The following MEGF10 variants were observed in gnomAD, a reference collection of about 807,000 sequenced individuals.
The protein encoded by MEGF10 is multiple epidermal growth factor-like domains protein 10.
A neutral mutation model predicts 147.5 loss-of-function variants in MEGF10; 86 were observed. The ratio of observed to expected loss-of-function variants is 0.58; its 90% CI spans 0.49 to 0.70. The LOEUF (loss-of-function observed/expected upper bound fraction) is 0.70. MEGF10 is among the 30% of genes least tolerant of loss of function. The probability of loss-of-function intolerance (pLI) is 0.00; values close to 1 mark genes in which losing one functional copy is unlikely to be tolerated. For missense variants in MEGF10, 1,329 were observed against 1,487.3 expected, an observed-to-expected ratio of 0.89 and a Z score of 1.75; for synonymous variants, 478 against 525.5, an observed-to-expected ratio of 0.91 and a Z score of 1.24.
chr5:127,248,247 A>T, the MEGF10 span, among the ~76,000 whole-genome samples: 1 of 152,144 alleles, frequency 6.6e-6, no homozygotes, highest in Non-Finnish European at 1.5e-5. Flanking sequence ...TGCTGGCCAG[A>T]ACAAAATATT....
At chr5:127,247,455 GAAGAAGAAGAAGAAGAA>G in the MEGF10 span, among the ~76,000 whole-genome samples, 1 of 129,168 alleles carries the variant, frequency 7.7e-6, no homozygotes, top group East Asian at 2.1e-4. Context: ...AGAAGAAGAA[GAAGAAGAAGAAGAAGAA>G]GAAGAAGAAG....
chr5:127,420,338 TC>T, intron 12 of MEGF10, 131 bp downstream of exon 12: 2 of 975,614 alleles, frequency 2.0e-6, no homozygotes, highest in Non-Finnish European at 3.0e-6. Flanking sequence ...ACTGGAAGAA[TC>T]CAGGTATTTG....
the MEGF10 span, among the ~76,000 whole-genome samples, chr5:127,279,968 G>C: frequency 6.6e-6 from 1 of 152,008 alleles, no homozygotes; most frequent in Non-Finnish European, 1.5e-5. Flanking sequence ...ATTACTTTCA[G>C]GATGAAAATA....
chr5:127,296,060 G>A (rs1189164314), intron 1 of MEGF10, among the ~76,000 whole-genome samples: 1 of 151,982 alleles, frequency 6.6e-6, no homozygotes, highest in Admixed American at 6.6e-5. Flanking sequence ...TTACCATTTT[G>A]CATTATTGTT....
At chr5:127,249,898 C>A in the MEGF10 span, among the ~76,000 whole-genome samples, 1 of 152,100 alleles carries the variant, frequency 6.6e-6, no homozygotes, top group Non-Finnish European at 1.5e-5. Flanking sequence ...GGAGGCAACA[C>A]TGTTGTTCAC....
At chr5:127,359,347 G>GT (rs1762391844) in intron 4 of MEGF10, among the ~76,000 whole-genome samples, 1 of 149,926 alleles carries the variant, frequency 6.7e-6, no homozygotes, top group African/African-American at 2.5e-5. Context: ...CTTACTCTAG[G>GT]GTTTTTTTTT....
intron 4 of MEGF10, among the ~76,000 whole-genome samples, chr5:127,341,382 TG>T (rs1761677970): frequency 6.6e-6 from 1 of 152,100 alleles, no homozygotes; most frequent in African/African-American, 2.4e-5. Context: ...GAGATGCTGA[TG>T]TTGAGTAGCA....
At chr5:127,414,821 A>G (rs78499704) in intron 9 of MEGF10, among the ~76,000 whole-genome samples, 3,156 of 152,306 alleles carry the variant, frequency 0.021, 59 homozygotes, top group Middle Eastern at 0.085. Flanking sequence ...TAGAAGAGAA[A>G]GAAGACATTA....
At chr5:127,328,234 A>C (rs1761117001) in intron 1 of MEGF10, among the ~76,000 whole-genome samples, 1 of 152,204 alleles carries the variant, frequency 6.6e-6, no homozygotes. Flanking sequence ...GTGAATTTGC[A>C]TGATCCTTGC....
At chr5:127,259,371 C>T in the MEGF10 span, among the ~76,000 whole-genome samples, 1 of 152,272 alleles carries the variant, frequency 6.6e-6, no homozygotes, top group East Asian at 1.9e-4. Context: ...AGAAAATTAA[C>T]AGAGTCCATT....
intron 18 of MEGF10, among the ~76,000 whole-genome samples, chr5:127,442,430 A>G (rs564809503): frequency 1.3e-5 from 2 of 152,346 alleles, no homozygotes; most frequent in African/African-American, 4.8e-5. Flanking sequence ...TTTCGTCTTC[A>G]AGACTTCAAC....
chr5:127,396,610 C>T lies in MEGF10; in HGVS notation c.491C>T (p.Thr164Ile). 6.2e-7 allele frequency: 1 copy of T among 1,613,046 alleles called. No homozygotes were observed. Among genetic ancestry groups the T allele is most frequent in the East Asian group, 2.2e-5 (1 of 44,856 alleles). Residue 164 changes from threonine (T) to isoleucine (I), a missense_variant, in exon 6 of 25, where the codon ACC becomes ATC. Around this residue, in one of 3 missense-constraint regions of MEGF10, gnomAD observed 980 missense variants for 1,085.9 expected, o/e 0.90. Transcript: ENST00000503335. ...AATGGGGCTCTGTGCAACCCCATCA[C>T]CGGGGCTTGCCACTGTGCTGCGGGC... ...CKNGALCNPI[T>I]GACHCAAGFR...
At chr5:127,404,424 A>C (rs1438127763) in intron 8 of MEGF10, among the ~76,000 whole-genome samples, 1 of 152,116 alleles carries the variant, frequency 6.6e-6, no homozygotes, top group Non-Finnish European at 1.5e-5. Flanking sequence ...GACCGCAATT[A>C]CTTTTACACC....
At chr5:127,435,013 A>G (rs1765507754) in intron 15 of MEGF10, among the ~76,000 whole-genome samples, 192 bp downstream of exon 15, 2 of 152,228 alleles carry the variant, frequency 1.3e-5, no homozygotes, top group Admixed American at 1.3e-4. Context: ...CCACTCCAGC[A>G]AAACCTTTTT....
chr5:127,319,397 GT>G (rs1034332567), intron 1 of MEGF10, among the ~76,000 whole-genome samples: 3 of 152,052 alleles, frequency 2.0e-5, no homozygotes, highest in African/African-American at 7.2e-5. Context: ...CTTTAAACTA[GT>G]TTTTCTTTTC....
At chr5:127,371,624 T>C (rs139580184) in intron 5 of MEGF10, among the ~76,000 whole-genome samples, 1 of 152,296 alleles carries the variant, frequency 6.6e-6, no homozygotes, top group East Asian at 1.9e-4. Context: ...CTCCTAAGAA[T>C]TGCAGACTAC....
At chr5:127,413,105 G>T (rs1389687138) in intron 9 of MEGF10, among the ~76,000 whole-genome samples, 1 of 152,174 alleles carries the variant, frequency 6.6e-6, no homozygotes, top group African/African-American at 2.4e-5. Flanking sequence ...GATGGGAGGT[G>T]TTGCAAAGAA....
chr5:127,390,374 C>T (rs1224354117), intron 5 of MEGF10, among the ~76,000 whole-genome samples: 1 of 152,046 alleles, frequency 6.6e-6, no homozygotes, highest in Non-Finnish European at 1.5e-5. Flanking sequence ...ACTGCAGCCT[C>T]AACCTCCTGG....
At chr5:127,394,070 G>C (rs557621160) in intron 5 of MEGF10, among the ~76,000 whole-genome samples, 1 of 152,100 alleles carries the variant, frequency 6.6e-6, no homozygotes, top group African/African-American at 2.4e-5. Context: ...ATAACCCACC[G>C]TGATTTTTAA....
Sources: allele counts gnomAD v4.1 joint callset (sites outside exome capture counted in the v4.1 genomes callset), GRCh38; gene constraint gnomAD v4.1.1; regional missense constraint gnomAD v4.1.1; transcripts MANE v1.5; gene names NCBI Gene and HGNC (gene_info 2026-07-23, HGNC 2026-07-21).